Variants in HADHB observed in about 807,000 individuals in gnomAD.
HADHB encodes hydroxyacyl-CoA dehydrogenase trifunctional multienzyme complex subunit beta.
In HADHB, 50 loss-of-function variants were observed where a neutral mutation model predicts 61.9. The observed-to-expected ratio is 0.81, with a 90% CI of 0.64 to 1.02. HADHB has a LOEUF of 1.02. Among genes scored for constraint, HADHB ranks in the 50% least tolerant of loss-of-function variants. The pLI is 0.00. For synonymous variants in HADHB, 191 were observed against 201.6 expected, an observed-to-expected ratio of 0.95 and a Z score of 0.45; for missense variants, 504 against 586.5, an observed-to-expected ratio of 0.86 and a Z score of 1.45.
chr2:26,252,048 A>G (rs540951842), intron 1 of HADHB, among the ~76,000 whole-genome samples: 1 of 152,262 alleles, frequency 6.6e-6, no homozygotes, highest in Non-Finnish European at 1.5e-5. Flanking sequence ...TTCCAAGCTC[A>G]CTCACATGGC....
rs745615062 is a variant in HADHB at position 26,277,175 on chromosome 2, A to G, written c.442+15A>G. 3.4e-6 allele frequency: 4 copies of G among 1,179,362 alleles called. No individual in the cohort carries two copies. The highest frequency in any genetic ancestry group is 1.9e-4 in the Middle Eastern group (1 of 5,180). 73.1% of individuals were successfully genotyped at this position (1,179,362 alleles called of 1,614,324 possible). ...CATGACCACAGGTATGTTTAAATGG[A>G]AACAGACAGTACATGTTAATTATTC... On this transcript the variant is annotated intron_variant, in intron 7 of 15. Transcript: ENST00000317799.
Position 26,278,739 on chromosome 2 carries a change from A to C in HADHB, c.568A>C (p.Lys190Gln), listed in dbSNP as rs372006332. 2 of 1,614,056 alleles carry C rather than the reference A, an allele frequency of 1.2e-6. No homozygotes were observed. Among genetic ancestry groups the C allele is most frequent in the South Asian group, 2.2e-5 (2 of 91,080 alleles). ...RKLMLDLNKA[K>Q]SMGQRLSLIS... Reference sequence around the variant, plus strand: ...ACTGATGCTTGATCTCAATAAGGCCAAATCTATGGGCCAGCGACTGTCTTT... The same window carrying C: ...ACTGATGCTTGATCTCAATAAGGCCCAATCTATGGGCCAGCGACTGTCTTT... Residue 190 changes from lysine to glutamine, a missense_variant, in exon 8 of 16, where the codon AAA becomes CAA. Coordinates refer to ENST00000317799, the MANE Select transcript of HADHB (RefSeq NM_000183.3).
At chr2:26,283,146 T>C in intron 12 of HADHB, 95 bp downstream of exon 12, 1 of 849,448 alleles carries the variant, frequency 1.2e-6, no homozygotes, top group South Asian at 1.3e-5. Flanking sequence ...ACTGGTTTAT[T>C]ATTTATTTGT....
chr2:26,289,476 C>A (rs937413302), intron 15 of HADHB, among the ~76,000 whole-genome samples: 2 of 150,372 alleles, frequency 1.3e-5, no homozygotes, highest in African/African-American at 5.0e-5. Context: ...TAGAAACTTA[C>A]TTTTATTGGT....
At chr2:26,267,534 G>A (rs1672137288) in intron 4 of HADHB, among the ~76,000 whole-genome samples, 1 of 152,152 alleles carries the variant, frequency 6.6e-6, no homozygotes, top group South Asian at 2.1e-4. Context: ...CACATTGGGA[G>A]GCCAAGGTGA....
At chr2:26,288,267 A>G (rs1321633200) in intron 15 of HADHB, among the ~76,000 whole-genome samples, 1 of 152,084 alleles carries the variant, frequency 6.6e-6, no homozygotes, top group Non-Finnish European at 1.5e-5. Flanking sequence ...TGTCTCAAAA[A>G]GCAAATAAAG....
Position 26,284,884 on chromosome 2 carries a change from G to A in HADHB, c.1151G>A (p.Gly384Asp). 6.5e-7 allele frequency: 1 copy of A among 1,527,094 alleles called. No individual in the cohort carries two copies. Among genetic ancestry groups the A allele is most frequent in the East Asian group, 2.2e-5 (1 of 44,460 alleles). 94.6% of individuals were successfully genotyped at this position (1,527,094 alleles called of 1,614,324 possible). A position where few individuals can be genotyped will look rare whatever the true frequency, so the allele number is the denominator to read the frequency against. The change falls in exon 14 of 16, where the codon GGT becomes GAT. Residue 384 changes from glycine (G) to aspartate (D), a missense_variant and splice_region_variant. Gly to Asp is a moderately conservative substitution (Grantham distance 94). Coordinates refer to ENST00000317799, the MANE Select transcript of HADHB (RefSeq NM_000183.3). ...TTATTCGATTATTTTCTCTTCCAGG[G>A]TCAGATTTTGGCAAATTTTAAAGCC... ...DAFEFHEAFS[G>D]QILANFKAMD...
Position 26,282,898 on chromosome 2 carries a change from G to A in HADHB, c.987G>A (p.Met329Ile), listed in dbSNP as rs1275157017. The change falls in exon 11 of 16, where the codon ATG becomes ATA. Residue 329 changes from methionine to isoleucine, a missense_variant. Transcript: ENST00000317799. ...LIMAEEKALAMGYKPKAYLRD... is the reference protein window; with the variant it reads ...LIMAEEKALAIGYKPKAYLRD... ...TGGCGGAGGAAAAGGCTCTGGCCATGGGTTATAAGCCGAAGGCATATTTGA... is the reference window on the plus strand; with the variant it reads ...TGGCGGAGGAAAAGGCTCTGGCCATAGGTTATAAGCCGAAGGCATATTTGA... The A allele has an allele frequency of 1.2e-6, 2 of 1,612,764 alleles. No individual in the cohort carries two copies. The highest frequency in any genetic ancestry group is 2.2e-5 in the South Asian group (2 of 91,046).
At chr2:26,257,746 G>A (rs1313010425) in intron 3 of HADHB, among the ~76,000 whole-genome samples, 6 of 152,148 alleles carry the variant, frequency 3.9e-5, no homozygotes, top group African/African-American at 9.7e-5. Context: ...GTGGCTGGGC[G>A]TGATGGCTCA....
At chr2:26,252,869 T>C (rs1671456882) in intron 1 of HADHB, among the ~76,000 whole-genome samples, 1 of 152,252 alleles carries the variant, frequency 6.6e-6, no homozygotes, top group Non-Finnish European at 1.5e-5. Context: ...GTTATAGTTT[T>C]CATGGATAAT....
chr2:26,258,624 A>G (rs1671735023), intron 3 of HADHB, among the ~76,000 whole-genome samples: 1 of 152,206 alleles, frequency 6.6e-6, no homozygotes, highest in Non-Finnish European at 1.5e-5. Context: ...CAGTGGTGGA[A>G]GGTGAGCAAA....
At chr2:26,275,546 T>C (rs1019186243) in intron 6 of HADHB, among the ~76,000 whole-genome samples, 14 of 152,332 alleles carry the variant, frequency 9.2e-5, no homozygotes, top group Middle Eastern at 3.4e-3. Flanking sequence ...AGAAAGGCCC[T>C]TGTGAGAATC....
chr2:26,289,524 A>G (rs1345380436), intron 15 of HADHB, among the ~76,000 whole-genome samples: 2 of 152,182 alleles, frequency 1.3e-5, no homozygotes, highest in Admixed American at 6.5e-5. Flanking sequence ...CAGTTAAAAA[A>G]GCCCCTGGAT....
intron 4 of HADHB, among the ~76,000 whole-genome samples, chr2:26,269,495 T>G (rs576041322): frequency 2.0e-5 from 3 of 152,292 alleles, no homozygotes; most frequent in Admixed American, 2.0e-4. Context: ...GCCACCATGC[T>G]TGGCCTCTTT....
chr2:26,274,554 CA>C (rs1672468734), intron 6 of HADHB, among the ~76,000 whole-genome samples: 1 of 152,162 alleles, frequency 6.6e-6, no homozygotes, highest in Admixed American at 6.5e-5. Context: ...TTAGAACTGC[CA>C]AAGGCCTGGC....
In HADHB at chr2:26,253,966, C is replaced by T. The variant is rs533395053; in HGVS notation, c.-8-281C>T. On this transcript the variant is annotated intron_variant, in intron 1 of 15. Transcript: ENST00000317799. The stretch of plus-strand genomic sequence containing the variant: ...TGGCAAGTCACTCAATCCTACTATG[C>T]CTCAATTTCCTTATCTCTTACAAAG... Among the ~76,000 whole-genome samples the T allele has an allele frequency of 9.2e-5, 14 of 152,186 alleles. No individual in the cohort carries two copies. In the Middle Eastern group the frequency reaches 0.01, roughly 111 times the overall value.
intron 1 of HADHB, among the ~76,000 whole-genome samples, chr2:26,248,491 T>C (rs1166884186): frequency 1.3e-5 from 2 of 152,148 alleles, no homozygotes; most frequent in Non-Finnish European, 2.9e-5. Context: ...TAGAGACCTA[T>C]ATATGCTATA....
At chr2:26,261,159 A>G (rs1213814932) in intron 3 of HADHB, 2 of 671,752 alleles carry the variant, frequency 3.0e-6, no homozygotes, top group African/African-American at 1.8e-5. Context: ...AAGCAGGGCA[A>G]CTCCCTTTAG....
At chr2:26,287,756 A>G (rs1673095258) in intron 15 of HADHB, among the ~76,000 whole-genome samples, 1 of 152,206 alleles carries the variant, frequency 6.6e-6, no homozygotes, top group African/African-American at 2.4e-5. Context: ...CAACTTTGGC[A>G]CTAACATTTT....
Sources: gnomAD v4.1 joint callset for allele counts (sites outside exome capture counted in the v4.1 genomes callset) on GRCh38, gnomAD v4.1.1 for gene constraint, MANE v1.5 for transcripts, NCBI Gene and HGNC (gene_info 2026-07-23, HGNC 2026-07-21) for gene names.